The following BRCA2 variants were observed in gnomAD, a reference collection of about 807,000 sequenced individuals.
BRCA2 encodes the protein breast cancer type 2 susceptibility protein.
Under a neutral mutation model 276.7 loss-of-function variants are expected in BRCA2, and 203 were observed. The observed-to-expected ratio is 0.73, with a 90% CI of 0.65 to 0.82. The LOEUF (loss-of-function observed/expected upper bound fraction) is 0.82, where lower values mean the gene tolerates loss of function less well. Among genes scored for constraint, BRCA2 ranks in the 40% least tolerant of loss-of-function variants. The pLI, the probability that BRCA2 is intolerant of heterozygous loss-of-function variation, is 0.00. For synonymous variants in BRCA2, 1,289 were observed against 1,338.4 expected (o/e 0.96, Z 0.81); for missense variants, 3,920 against 3,915.0 (o/e 1.00, Z -0.03).
rs1555284305 is a variant in BRCA2 at position 32,339,968 on chromosome 13, T to C, written c.5613T>C (p.Ser1871=). Residue 1871 remains serine, a synonymous_variant, in exon 11 of 27, where the codon AGT becomes AGC. Coordinates refer to ENST00000380152, the MANE Select transcript of BRCA2 (RefSeq NM_000059.4). ...AAGACATATTTACAGACAGTTTCAG[T>C]AAAGTAATTAAGGAAAACAACGAGA... ...KVKDIFTDSF[S]KVIKENNENK... is the part of the protein sequence containing the mutation. 6.2e-7 allele frequency: 1 copy of C among 1,610,510 alleles called. No homozygotes were observed. Among genetic ancestry groups the C allele is most frequent in the South Asian group, 1.1e-5 (1 of 90,054 alleles).
intron 11 of BRCA2, among the ~76,000 whole-genome samples, chr13:32,343,605 A>T (rs2072589163): frequency 6.6e-6 from 1 of 152,144 alleles, no homozygotes; most frequent in African/African-American, 2.4e-5. Flanking sequence ...TGAGGTATAT[A>T]TGCTTAAAGA....
rs774521832 is a variant in BRCA2, at chr13:32,319,077, A to G, written c.68A>G (p.Asp23Gly). 6.2e-7 allele frequency: 1 copy of G among 1,612,618 alleles called. No homozygotes were observed. The highest frequency in any genetic ancestry group is 8.5e-7 in the Non-Finnish European group (1 of 1,179,198). The change falls in exon 3 of 27, where the codon GAT becomes GGT. Residue 23 changes from aspartate to glycine, a missense_variant and splice_region_variant. Physicochemically the swap from Asp to Gly is moderately conservative, Grantham distance 94. This residue lies in a region of BRCA2 where 3,263 missense variants were observed against 3,156.9 expected (regional missense o/e 1.03). Coordinates refer to ENST00000380152, the MANE Select transcript of BRCA2 (RefSeq NM_000059.4). ...AAGGTGGGATTTTTTTTTTAAATAG[A>G]TTTAGGACCAATAAGTCTTAATTGG... is the stretch of plus-strand genomic sequence containing the variant. ...EIFKTRCNKA[D>G]LGPISLNWFE... is the part of the protein sequence containing the mutation.
intron 13 of BRCA2, 32 bp from the exon 14 acceptor site, chr13:32,354,829 C>A (rs2137554901): frequency 7.2e-7 from 1 of 1,396,488 alleles, no homozygotes; most frequent in Non-Finnish European, 1.0e-6. Context: ...GTGTACTAGT[C>A]AATAAACTTA....
Position 32,326,224 on chromosome 13 carries a change from C to T in BRCA2, c.476-18C>T, listed in dbSNP as rs2137450124. 6.2e-7 allele frequency: 1 copy of T among 1,612,800 alleles called. No individual in the cohort carries two copies. The highest frequency in any genetic ancestry group is 8.5e-7 in the Non-Finnish European group (1 of 1,179,166). On this transcript the variant is annotated intron_variant, in intron 5 of 26. Transcript: ENST00000380152. ...ATAAAAATAAAACTTAACAATTTTC[C>T]CCTTTTTTTACCCCCAGTGGTATGT... is the stretch of plus-strand genomic sequence containing the variant.
At chr13:32,342,374 T>G (rs2072578083) in intron 11 of BRCA2, among the ~76,000 whole-genome samples, 1 of 152,176 alleles carries the variant, frequency 6.6e-6, no homozygotes, top group South Asian at 2.1e-4. Context: ...TTTTTTTCAT[T>G]TAGGAAGTGA....
intron 7 of BRCA2, among the ~76,000 whole-genome samples, 170 bp from the exon 8 acceptor site, chr13:32,329,273 A>G (rs573976580): frequency 6.6e-6 from 1 of 152,248 alleles, no homozygotes; most frequent in East Asian, 1.9e-4. Context: ...TAGTTTATTC[A>G]CTGTGTTGAT....
intron 24 of BRCA2, among the ~76,000 whole-genome samples, chr13:32,389,241 C>T (rs2072981357): frequency 6.6e-6 from 1 of 152,102 alleles, no homozygotes; most frequent in Admixed American, 6.5e-5. Context: ...TTCTTCCCTA[C>T]TTTTAAATAC....
At chr13:32,397,093 C>T (rs2137660139) in intron 26 of BRCA2, 49 bp downstream of exon 26, 1 of 1,570,966 alleles carries the variant, frequency 6.4e-7, no homozygotes, top group Non-Finnish European at 8.8e-7. Context: ...TATATGGAGG[C>T]CATCGTATAT....
At position 32,332,324 on chromosome 13, in the gene BRCA2, C is replaced by T. The variant is rs1593891279; in HGVS notation, c.846C>T (p.His282=). 1 of 1,603,598 alleles carries T rather than the reference C, an allele frequency of 6.2e-7. No individual in the cohort carries two copies. ...NSFKVNSCKD[H]IGKSMPNVLE... ...TTAAAGTAAATAGCTGCAAAGACCA[C>T]ATTGGAAAGTCAATGCCAAATGTCC... The change falls in exon 10 of 27, where the codon CAC becomes CAT. Residue 282 remains histidine, a synonymous_variant. Coordinates refer to ENST00000380152, the MANE Select transcript of BRCA2 (RefSeq NM_000059.4).
chr13:32,326,103 C>G lies in BRCA2; in HGVS notation c.428C>G (p.Pro143Arg), dbSNP rs587782795. The part of the protein sequence containing the change: ...PLLNSCLSES[P>R]VVLQCTHVTP... ...GGATTTGCTTTGTTTTATTTTAGTC[C>G]TGTTGTTCTACAATGTACACATGTA... The change falls in exon 5 of 27, where the codon CCT becomes CGT. Residue 143 changes from proline (P) to arginine (R), a missense_variant and splice_region_variant. Pro to Arg is a moderately radical substitution (Grantham distance 103). Coordinates refer to ENST00000380152, the MANE Select transcript of BRCA2 (RefSeq NM_000059.4). 12 of 1,608,288 alleles carry G rather than the reference C, an allele frequency of 7.5e-6. No homozygotes were observed. In the Admixed American group the frequency reaches 2.0e-4, roughly 27 times the overall value.
At chr13:32,394,987 G>A (rs2137654943) in intron 25 of BRCA2, 54 bp downstream of exon 25, 4 of 1,606,564 alleles carry the variant, frequency 2.5e-6, no homozygotes, top group Non-Finnish European at 3.4e-6. Context: ...TATTTTGACA[G>A]TCCAGTATCA....
At chr13:32,397,466 T>C (rs575451504) in intron 26 of BRCA2, among the ~76,000 whole-genome samples, 1 of 152,370 alleles carries the variant, frequency 6.6e-6, no homozygotes, top group South Asian at 2.1e-4. Context: ...TTAACTCATT[T>C]AATCCTCATA....
At chr13:32,381,580 G>T (rs2072924713) in intron 24 of BRCA2, among the ~76,000 whole-genome samples, 1 of 152,156 alleles carries the variant, frequency 6.6e-6, no homozygotes, top group Admixed American at 6.5e-5. Flanking sequence ...TGAAGCATTG[G>T]CAGAGACCAG....
At chr13:32,360,462 C>T (rs557562428) in intron 16 of BRCA2, among the ~76,000 whole-genome samples, 1 of 152,216 alleles carries the variant, frequency 6.6e-6, no homozygotes, top group Admixed American at 6.5e-5. Flanking sequence ...CAGGTTCAAG[C>T]GATTCTCCTG....
rs746649823 is a variant in BRCA2, at chr13:32,339,620, G to A, written c.5265G>A (p.Glu1755=). Residue 1755 remains glutamate, a synonymous_variant, in exon 11 of 27, where the codon GAG becomes GAA. Coordinates refer to ENST00000380152, the MANE Select transcript of BRCA2 (RefSeq NM_000059.4). ...ACAGCTATTCCTACCATTCTGATGAGGTATATAATGATTCAGGATATCTCT... is the reference window on the plus strand; with the variant it reads ...ACAGCTATTCCTACCATTCTGATGAAGTATATAATGATTCAGGATATCTCT... ...MSNSYSYHSD[E]VYNDSGYLSK... is the part of the protein sequence containing the mutation. The A allele has an allele frequency of 6.2e-7, 1 of 1,611,606 alleles. No individual in the cohort carries two copies. Among genetic ancestry groups the A allele is most frequent in the African/African-American group, 1.3e-5 (1 of 74,808 alleles).
chr13:32,341,829 C>T (rs1221922022), intron 11 of BRCA2, among the ~76,000 whole-genome samples: 1 of 150,394 alleles, frequency 6.6e-6, no homozygotes, highest in Non-Finnish European at 1.5e-5. Context: ...GATCCCGCCA[C>T]TGCACTCCAG....
chr13:32,334,206 A>G (rs961414839), intron 10 of BRCA2, among the ~76,000 whole-genome samples: 1 of 152,258 alleles, frequency 6.6e-6, no homozygotes, highest in Non-Finnish European at 1.5e-5. Context: ...ACTGTCTTCC[A>G]CAACGGTTGA....
intron 18 of BRCA2, among the ~76,000 whole-genome samples, chr13:32,368,970 CT>C (rs1566248101): frequency 6.6e-6 from 1 of 151,964 alleles, no homozygotes; most frequent in African/African-American, 2.4e-5. Context: ...GCCACCACCC[CT>C]GGCTAATTTT....
At chr13:32,347,030 T>TTTATA in intron 13 of BRCA2, 134 bp downstream of exon 13, 1 of 667,336 alleles carries the variant, frequency 1.5e-6, no homozygotes, top group Non-Finnish European at 2.5e-6. Context: ...ATTTATAAAA[T>TTTATA]ACTTTGGTAG....
Sources: allele counts gnomAD v4.1 joint callset (sites outside exome capture counted in the v4.1 genomes callset), GRCh38; gene constraint gnomAD v4.1.1; regional missense constraint gnomAD v4.1.1; transcripts MANE v1.5; gene names NCBI Gene and HGNC (gene_info 2026-07-23, HGNC 2026-07-21).